PRKCQ: variants seen among roughly 807,000 people sequenced by gnomAD.
PRKCQ encodes the protein protein kinase C theta type.
Under a neutral mutation model 91.2 loss-of-function variants are expected in PRKCQ, and 41 were observed. The ratio of observed to expected loss-of-function variants is 0.45; its 90% CI spans 0.35 to 0.58. PRKCQ has a LOEUF of 0.58. PRKCQ is among the 20% of genes least tolerant of loss of function. The probability of loss-of-function intolerance (pLI) is 0.00; values close to 1 mark genes in which losing one functional copy is unlikely to be tolerated. For missense variants in PRKCQ, 673 were observed against 896.5 expected (o/e 0.75, Z 3.18); for synonymous variants, 307 against 316.9 (o/e 0.97, Z 0.33).
At chr10:6,520,468 T>C (rs1030306596) in intron 1 of PRKCQ, among the ~76,000 whole-genome samples, 3 of 152,216 alleles carry the variant, frequency 2.0e-5, no homozygotes, top group Non-Finnish European at 4.4e-5. Context: ...TGAATGATCT[T>C]AGGATCTTGC....
intron 2 of PRKCQ, among the ~76,000 whole-genome samples, chr10:6,513,052 G>C (rs922359164): frequency 3.9e-5 from 6 of 152,138 alleles, no homozygotes; most frequent in Non-Finnish European, 8.8e-5. Flanking sequence ...AGGGGCAAAA[G>C]TCCCCAAAGC....
chr10:6,501,102 T>C (rs1019941671), intron 4 of PRKCQ, among the ~76,000 whole-genome samples: 1 of 152,144 alleles, frequency 6.6e-6, no homozygotes. Flanking sequence ...TAGAGAGATA[T>C]CAAGGAAATT....
intron 11 of PRKCQ, among the ~76,000 whole-genome samples, chr10:6,479,767 TAAAAAAAAAAAAAAAAA>T (rs34610362): frequency 2.6e-5 from 1 of 38,988 alleles, no homozygotes; most frequent in Non-Finnish European, 4.3e-5. Context: ...CCGTCTCGAC[TAAAAAAAAAAAAAAAAA>T]AAAAAAAAAA....
intron 15 of PRKCQ, among the ~76,000 whole-genome samples, chr10:6,443,954 C>T (rs1196977228): frequency 6.6e-6 from 1 of 152,122 alleles, no homozygotes; most frequent in Non-Finnish European, 1.5e-5. Flanking sequence ...TAGTGGCTGC[C>T]AGGAGCTGTG....
intron 4 of PRKCQ, among the ~76,000 whole-genome samples, chr10:6,505,036 G>C (rs1399140924): frequency 1.3e-5 from 2 of 151,952 alleles, no homozygotes; most frequent in African/African-American, 4.8e-5. Flanking sequence ...TGGGACTACA[G>C]GCACACACTG....
intron 15 of PRKCQ, among the ~76,000 whole-genome samples, chr10:6,446,648 G>T (rs1319202105): frequency 6.6e-6 from 1 of 152,088 alleles, no homozygotes; most frequent in Non-Finnish European, 1.5e-5. Context: ...TTATAGGCAT[G>T]AGCCACCATG....
At chr10:6,557,748 T>C (rs1418037157) in intron 1 of PRKCQ, among the ~76,000 whole-genome samples, 1 of 152,138 alleles carries the variant, frequency 6.6e-6, no homozygotes, top group Non-Finnish European at 1.5e-5. Context: ...CAAACACAAC[T>C]GAAACAAACA....
chr10:6,546,398 T>G (rs1457308176), intron 1 of PRKCQ, among the ~76,000 whole-genome samples: 1 of 152,180 alleles, frequency 6.6e-6, no homozygotes, highest in Non-Finnish European at 1.5e-5. Flanking sequence ...AAAGGAAATT[T>G]CAGCGTGGTG....
intron 15 of PRKCQ, among the ~76,000 whole-genome samples, chr10:6,451,944 T>G (rs1090701): frequency 0.35 from 53,071 of 151,974 alleles, 9,659 homozygotes; most frequent in Middle Eastern, 0.44. Context: ...ATAAGAGCTA[T>G]CTATGACAAA....
In PRKCQ at chr10:6,459,563, A is replaced by T. The variant is rs532718552; in HGVS notation, c.1508+2740T>A. On this transcript the variant is annotated intron_variant, in intron 14 of 17. Transcript: ENST00000263125. ...TTTGGAAAAAGGGTCTTTTTTTCCAAATGTAATTAAGTTAAAGATGTAATT... is the reference window on the plus strand; with the variant it reads ...TTTGGAAAAAGGGTCTTTTTTTCCATATGTAATTAAGTTAAAGATGTAATT... 9.2e-5 allele frequency among the ~76,000 whole-genome samples: 14 copies of T among 152,320 alleles called. No individual in the cohort carries two copies. The South Asian group carries it at 2.9e-3, about 32-fold the overall frequency.
intron 13 of PRKCQ, 111 bp downstream of exon 13, chr10:6,464,202 G>C: frequency 7.8e-6 from 7 of 895,604 alleles, no homozygotes; most frequent in Non-Finnish European, 1.3e-5. Context: ...TATTCCCAAG[G>C]GTTCACCTGG....
At chr10:6,500,449 T>C (rs1251962902) in intron 4 of PRKCQ, among the ~76,000 whole-genome samples, 1 of 151,044 alleles carries the variant, frequency 6.6e-6, no homozygotes, top group East Asian at 1.9e-4. Flanking sequence ...CTACATATAG[T>C]TTATATTTTT....
chr10:6,463,374 G>A (rs923894064), intron 13 of PRKCQ, among the ~76,000 whole-genome samples: 1 of 152,194 alleles, frequency 6.6e-6, no homozygotes, highest in Non-Finnish European at 1.5e-5. Flanking sequence ...AGGATGGATA[G>A]CGTGGGTCCG....
At chr10:6,551,032 G>A (rs1168287954) in intron 1 of PRKCQ, among the ~76,000 whole-genome samples, 3 of 151,984 alleles carry the variant, frequency 2.0e-5, no homozygotes, top group South Asian at 2.1e-4. Flanking sequence ...TCAGGGGTAC[G>A]CCTGCAGGTT....
Position 6,462,292 on chromosome 10 carries a change from G to T in PRKCQ, c.1508+11C>A. 1 of 1,611,538 alleles carries T rather than the reference G, an allele frequency of 6.2e-7. No homozygotes were observed. The highest frequency in any genetic ancestry group is 8.5e-7 in the Non-Finnish European group (1 of 1,178,118). On this transcript the variant is annotated intron_variant, in intron 14 of 17. Transcript: ENST00000263125. Reference sequence around the variant, plus strand: ...ATATCTTAGCATTTGTTTCCACAAAGCAAAATTTACCTGTAGACTATTCCT... The same window carrying T: ...ATATCTTAGCATTTGTTTCCACAAATCAAAATTTACCTGTAGACTATTCCT...
chr10:6,464,964 C>T (rs768160765), intron 12 of PRKCQ, among the ~76,000 whole-genome samples: 10 of 152,104 alleles, frequency 6.6e-5, no homozygotes, highest in Non-Finnish European at 1.3e-4. Context: ...TACAACCCAG[C>T]AGATGAGCGG....
chr10:6,561,369 C>CAAAA (rs3086735), intron 1 of PRKCQ, among the ~76,000 whole-genome samples: 3 of 82,604 alleles, frequency 3.6e-5, no homozygotes, highest in African/African-American at 9.7e-5. Flanking sequence ...GACCCTGTCT[C>CAAAA]AAAAAAAAAA....
chr10:6,556,448 A>G (rs1840419758), intron 1 of PRKCQ, among the ~76,000 whole-genome samples: 1 of 151,610 alleles, frequency 6.6e-6, no homozygotes, highest in Non-Finnish European at 1.5e-5. Context: ...AAAAAAAAAA[A>G]AAAAAAAGCA....
intron 1 of PRKCQ, among the ~76,000 whole-genome samples, chr10:6,541,338 AC>A (rs1839769405): frequency 6.6e-6 from 1 of 152,102 alleles, no homozygotes; most frequent in African/African-American, 2.4e-5. Flanking sequence ...CATTCTACTG[AC>A]CCTTTGAGTT....
Sources: allele counts gnomAD v4.1 joint callset (sites outside exome capture counted in the v4.1 genomes callset), GRCh38; gene constraint gnomAD v4.1.1; transcripts MANE v1.5; gene names NCBI Gene and HGNC (gene_info 2026-07-23, HGNC 2026-07-21).